Variants in GSG1 observed in about 807,000 individuals in gnomAD.
GSG1 encodes germ cell associated 1.
GSG1 carries 28 observed loss-of-function variants against 30.8 expected under a neutral mutation model. The ratio of observed to expected loss-of-function variants is 0.91; its 90% confidence interval spans 0.67 to 1.25. The LOEUF (loss-of-function observed/expected upper bound fraction) is 1.25, where lower values mean the gene tolerates loss of function less well. GSG1 is among the 50% of genes most tolerant of loss of function. The probability of loss-of-function intolerance (pLI) is 0.00; values close to 1 mark genes in which losing one functional copy is unlikely to be tolerated. For synonymous variants in GSG1, 162 were observed against 178.0 expected, an observed-to-expected ratio of 0.91 and a Z score of 0.71; for missense variants, 435 against 444.7, an observed-to-expected ratio of 0.98 and a Z score of 0.20.
chr12:13,099,740 G>GTTTTTTTTTTTTTT (rs1243237814), intron 1 of GSG1, among the ~76,000 whole-genome samples: 24 of 95,814 alleles, frequency 2.5e-4, no homozygotes, highest in East Asian at 3.7e-4. Context: ...GGGATCCGGT[G>GTTTTTTTTTTTTTT]TTTTTTTTTG....
rs1173343256 is a variant in GSG1 at position 13,083,754 on chromosome 12, A to G, written c.*1147T>C. 7.7e-6 allele frequency: 1 copy of G among 129,848 alleles called. No homozygotes were observed. The highest frequency in any genetic ancestry group is 1.5e-5 in the Non-Finnish European group (1 of 65,124). The allele number at this position is 129,848 out of a possible 1,614,324, so 8.0% of individuals were successfully genotyped here. On this transcript the variant is annotated 3_prime_UTR_variant, in exon 7 of 7. Coordinates refer to ENST00000651961, the MANE Select transcript of GSG1 (RefSeq NM_001080555.4). ...CTGTGTCCAAGTGTTTTTATTGTTCAATTCCCACCTGTGAGTGAGAATATG... is the reference window on the plus strand; with the variant it reads ...CTGTGTCCAAGTGTTTTTATTGTTCGATTCCCACCTGTGAGTGAGAATATG...
chr12:13,088,163 C>T (rs1383396843), intron 4 of GSG1, 104 bp from the exon 5 acceptor site: 2 of 1,251,734 alleles, frequency 1.6e-6, no homozygotes, highest in African/African-American at 3.0e-5. Flanking sequence ...CTAGCAGCAT[C>T]TGAGAAGGGG....
In GSG1 at chr12:13,087,894, A is replaced by G. The variant is rs1865688845; in HGVS notation, c.634+13T>C. ...AGGGCCAACCACCCTCTCTCACTCC[A>G]GGAGCAACTCACCTGACAGGACAGA... On this transcript the variant is annotated intron_variant, in intron 5 of 6. Coordinates refer to ENST00000651961, the MANE Select transcript of GSG1 (RefSeq NM_001080555.4). 3 of 1,613,212 alleles carry G rather than the reference A, an allele frequency of 1.9e-6. No homozygotes were observed. The highest frequency in any genetic ancestry group is 2.2e-5 in the East Asian group (1 of 44,856).
chr12:13,098,494 G>GT (rs1862915966), intron 1 of GSG1, among the ~76,000 whole-genome samples: 1 of 87,410 alleles, frequency 1.1e-5, no homozygotes, highest in Non-Finnish European at 2.1e-5. Context: ...TTTTTTTTTG[G>GT]GCGGCCAGTT....
At chr12:13,087,731 C>G (rs903335668) in intron 5 of GSG1, among the ~76,000 whole-genome samples, 176 bp downstream of exon 5, 2 of 152,230 alleles carry the variant, frequency 1.3e-5, no homozygotes, top group Admixed American at 1.3e-4. Context: ...GTAAAGTACA[C>G]GGTGATCCAA....
At chr12:13,086,468 A>C (rs948937053) in intron 6 of GSG1, among the ~76,000 whole-genome samples, 1 of 152,256 alleles carries the variant, frequency 6.6e-6, no homozygotes, top group African/African-American at 2.4e-5. Flanking sequence ...AGTAAATATC[A>C]GTACAAGTTG....
rs750901027 is a variant in GSG1, at chr12:13,088,923, G to A, written c.434-14C>T. On this transcript the variant is annotated splice_polypyrimidine_tract_variant and intron_variant, in intron 3 of 6. Coordinates refer to ENST00000651961, the MANE Select transcript of GSG1 (RefSeq NM_001080555.4). ...GGCACCTCTCCCCTGAAACATACAA[G>A]GTACAACGTCATGGAGCTACTCCCT... The A allele has an allele frequency of 1.2e-6, 2 of 1,613,904 alleles. No homozygotes were observed. Among genetic ancestry groups the A allele is most frequent in the Admixed American group, 3.3e-5 (2 of 60,002 alleles).
At chr12:13,095,785 G>C (rs953193523) in intron 1 of GSG1, 1 of 1,504,656 alleles carries the variant, frequency 6.6e-7, no homozygotes, top group African/African-American at 1.4e-5. Context: ...TGCCTTACAG[G>C]GAACACGGGC....
At position 13,084,679 on chromosome 12, in the gene GSG1, A is replaced by G; in HGVS notation, c.*222T>C. ...CTATCAGTAAAGAAGGGAATTCTGG[A>G]TGTGTGAGATGTGGGGTGGGTGAAA... On this transcript the variant is annotated 3_prime_UTR_variant, in exon 7 of 7. Transcript: ENST00000651961. 1 of 429,132 alleles carries G rather than the reference A, an allele frequency of 2.3e-6. No homozygotes were observed. The allele number at this position is 429,132 out of a possible 1,614,324, so 26.6% of individuals were successfully genotyped here.
intron 1 of GSG1, among the ~76,000 whole-genome samples, chr12:13,096,975 C>T (rs998157092): frequency 1.3e-5 from 2 of 152,070 alleles, no homozygotes; most frequent in African/African-American, 4.8e-5. Flanking sequence ...CCTGTAATCC[C>T]AACTACTTGG....
chr12:13,099,750 G>GTTTTTGT (rs1863023679), intron 1 of GSG1, among the ~76,000 whole-genome samples: 13 of 114,834 alleles, frequency 1.1e-4, no homozygotes, highest in African/African-American at 4.0e-4. Flanking sequence ...GTTTTTTTTT[G>GTTTTTGT]TTTTTTTTTT....
intron 1 of GSG1, among the ~76,000 whole-genome samples, chr12:13,092,122 A>G (rs1252541086): frequency 6.6e-6 from 1 of 152,230 alleles, no homozygotes; most frequent in Non-Finnish European, 1.5e-5. Flanking sequence ...GACAAATTAG[A>G]ATGAGGAATG....
rs1591606483 is a variant in GSG1 at position 13,083,647 on chromosome 12, A to T, written c.*1254T>A. On this transcript the variant is annotated 3_prime_UTR_variant, in exon 7 of 7. Transcript: ENST00000651961. ...GGTGTGCTGCACCCATTAACTCGTC[A>T]TTTACGTTAGTATATCTCCTAATGC... 6.7e-6 allele frequency: 1 copy of T among 148,168 alleles called. No individual in the cohort carries two copies. Among genetic ancestry groups the T allele is most frequent in the African/African-American group, 2.5e-5 (1 of 40,030 alleles). The allele number at this position is 148,168 out of a possible 1,614,324, so 9.2% of individuals were successfully genotyped here.
chr12:13,096,850 G>A (rs1239865241), intron 1 of GSG1, among the ~76,000 whole-genome samples: 2 of 152,166 alleles, frequency 1.3e-5, no homozygotes, highest in Non-Finnish European at 2.9e-5. Flanking sequence ...CACTTTGGGA[G>A]GCTGAGGCAG....
Position 13,101,033 on chromosome 12 carries a change from A to G in GSG1, c.48+2432T>C, listed in dbSNP as rs1057110102. 2.0e-5 allele frequency among the ~76,000 whole-genome samples: 3 copies of G among 152,184 alleles called. No homozygotes were observed. The highest frequency in any genetic ancestry group is 7.2e-5 in the African/African-American group (3 of 41,430). On this transcript the variant is annotated intron_variant, in intron 1 of 6. Transcript: ENST00000651961. This position sits in a 1 kb window ranked among gnomAD's most constrained non-coding sequence, Gnocchi z 5.8. ...TTTTGCTAATGCAGTCATTTCCAGG[A>G]GAGGAAGCCGCCTTTCTTCCAGGCC...
intron 3 of GSG1, 70 bp from the exon 4 acceptor site, chr12:13,088,979 C>A: frequency 6.4e-7 from 1 of 1,562,804 alleles, no homozygotes; most frequent in Non-Finnish European, 8.8e-7. Flanking sequence ...CTTCCCCACC[C>A]CATAACTGGT....
intron 6 of GSG1, among the ~76,000 whole-genome samples, chr12:13,086,266 G>A (rs1016756085): frequency 3.3e-5 from 5 of 152,202 alleles, no homozygotes; most frequent in African/African-American, 1.2e-4. Flanking sequence ...GAGAAGTGCT[G>A]GATCTGGGAG....
intron 1 of GSG1, among the ~76,000 whole-genome samples, chr12:13,099,757 T>TTTTTTTTTTTTG (rs1863040800): frequency 7.5e-6 from 1 of 133,782 alleles, no homozygotes; most frequent in South Asian, 2.7e-4. Context: ...TTTGTTTTTT[T>TTTTTTTTTTTTG]TTTTTTTTTT....
intron 4 of GSG1, 154 bp downstream of exon 4, chr12:13,088,708 A>G: frequency 6.3e-7 from 1 of 1,597,278 alleles, no homozygotes; most frequent in Non-Finnish European, 8.5e-7. Flanking sequence ...GTCAATGGTA[A>G]CTACTGTAAA....
Sources: allele counts gnomAD v4.1 joint callset (sites outside exome capture counted in the v4.1 genomes callset), GRCh38; gene constraint gnomAD v4.1.1; non-coding constraint Gnocchi (gnomAD v3.1); transcripts MANE v1.5; gene names NCBI Gene and HGNC (gene_info 2026-07-23, HGNC 2026-07-21).